Variants in LSAMP observed in about 807,000 individuals in gnomAD.
The protein encoded by LSAMP is limbic system-associated membrane protein.
Under a neutral mutation model 38.6 loss-of-function variants are expected in LSAMP, and 7 were observed. The ratio of observed to expected loss-of-function variants is 0.18; its 90% CI spans 0.10 to 0.34. The LOEUF (loss-of-function observed/expected upper bound fraction) is 0.34, where lower values mean the gene tolerates loss of function less well. Ranked by LOEUF, LSAMP falls within the 10% of genes least tolerant of loss-of-function variation. The pLI, the probability that LSAMP is intolerant of heterozygous loss-of-function variation, is 1.00. For synonymous variants in LSAMP, 154 were observed against 166.8 expected, an observed-to-expected ratio of 0.92 and a Z score of 0.59; for missense variants, 313 against 420.0, an observed-to-expected ratio of 0.75 and a Z score of 2.23.
intron 1 of LSAMP, among the ~76,000 whole-genome samples, chr3:116,437,845 T>C (rs1159991158): frequency 6.6e-6 from 1 of 152,150 alleles, no homozygotes; most frequent in Non-Finnish European, 1.5e-5. Context: ...TCTCAATTGA[T>C]CACTCAAGTT....
intron 1 of LSAMP, among the ~76,000 whole-genome samples, chr3:116,186,306 A>G (rs544591491): frequency 4.6e-5 from 7 of 152,238 alleles, no homozygotes; most frequent in Admixed American, 1.3e-4. Context: ...GTCCCGACCA[A>G]TGCCATCTCC....
Position 116,203,129 on chromosome 3 carries a change from A to G in LSAMP, c.156-116573T>C, listed in dbSNP as rs112750920. Among the ~76,000 whole-genome samples the G allele has an allele frequency of 4.4e-3, 664 of 152,100 alleles. 7 individuals carry two copies. The highest frequency in any genetic ancestry group is 0.015 in the African/African-American group (626 of 41,500). On this transcript the variant is annotated intron_variant, in intron 1 of 6. Transcript: ENST00000490035. ...TCTTCATGTCTTTTATTTTCCTTTC[A>G]TGTCTTGCTGCACTGGCTATGAAGC...
chr3:116,212,530 A>C (rs1314270887), intron 1 of LSAMP, among the ~76,000 whole-genome samples: 1 of 147,426 alleles, frequency 6.8e-6, no homozygotes, highest in East Asian at 2.1e-4. Context: ...AATTTAAAGA[A>C]TTTTGTTTAG....
chr3:116,217,336 A>G (rs1380791940), intron 1 of LSAMP, among the ~76,000 whole-genome samples: 2 of 152,264 alleles, frequency 1.3e-5, no homozygotes, highest in African/African-American at 2.4e-5. Context: ...TTCACGTTAT[A>G]GAAGAGTGAC....
chr3:116,366,485 T>C (rs2048355077), intron 1 of LSAMP, among the ~76,000 whole-genome samples: 1 of 152,164 alleles, frequency 6.6e-6, no homozygotes, highest in Admixed American at 6.5e-5. Flanking sequence ...TGGCCATCCA[T>C]TCTCAGTGGT....
At chr3:116,212,542 GATAAA>G (rs1453719774) in intron 1 of LSAMP, among the ~76,000 whole-genome samples, 3 of 124,212 alleles carry the variant, frequency 2.4e-5, no homozygotes, top group East Asian at 5.5e-4. Context: ...TTTGTTTAGA[GATAAA>G]ATAAAACTTC....
intron 3 of LSAMP, among the ~76,000 whole-genome samples, chr3:115,985,175 T>A (rs988060645): frequency 6.6e-5 from 10 of 152,162 alleles, no homozygotes; most frequent in Non-Finnish European, 1.2e-4. Context: ...ATAAGAAACA[T>A]TTAGGATAAT....
intron 3 of LSAMP, among the ~76,000 whole-genome samples, chr3:115,976,887 A>G (rs948285981): frequency 5.9e-5 from 9 of 152,120 alleles, no homozygotes; most frequent in African/African-American, 9.7e-5. Flanking sequence ...CTGTGAGTCA[A>G]TTAAAAACTT....
At chr3:116,110,878 G>A (rs916265709) in intron 1 of LSAMP, among the ~76,000 whole-genome samples, 2 of 152,170 alleles carry the variant, frequency 1.3e-5, no homozygotes, top group African/African-American at 2.4e-5. Flanking sequence ...CTGGGTGCAG[G>A]TGGGCTGAGT....
chr3:115,953,594 C>A (rs1182639698), intron 3 of LSAMP, among the ~76,000 whole-genome samples: 3 of 152,082 alleles, frequency 2.0e-5, no homozygotes, highest in African/African-American at 7.2e-5. Context: ...TGCTGGTGAC[C>A]AGGAGAGTTG....
chr3:116,284,930 GAA>G (rs1268361745), intron 1 of LSAMP, among the ~76,000 whole-genome samples: 1 of 152,122 alleles, frequency 6.6e-6, no homozygotes, highest in Non-Finnish European at 1.5e-5. Flanking sequence ...ATTATGAAAA[GAA>G]AATATACAAT....
At chr3:116,399,685 G>A (rs2048813256) in intron 1 of LSAMP, among the ~76,000 whole-genome samples, 2 of 152,180 alleles carry the variant, frequency 1.3e-5, no homozygotes, top group South Asian at 2.1e-4. Context: ...GCAGGTTGAA[G>A]TCATATGCTC....
At chr3:116,023,957 T>C (rs1054131990) in intron 2 of LSAMP, among the ~76,000 whole-genome samples, 3 of 152,186 alleles carry the variant, frequency 2.0e-5, no homozygotes, top group African/African-American at 7.2e-5. Flanking sequence ...CAACTCTTCA[T>C]GCAATTACCC....
intron 2 of LSAMP, 87 bp from the exon 3 acceptor site, chr3:116,019,727 T>C: frequency 7.1e-7 from 1 of 1,398,706 alleles, no homozygotes. Context: ...AAATTCAAGG[T>C]TTTATAACTT....
At chr3:116,019,734 A>G in intron 2 of LSAMP, 94 bp from the exon 3 acceptor site, 2 of 1,348,202 alleles carry the variant, frequency 1.5e-6, no homozygotes, top group Non-Finnish European at 2.1e-6. Flanking sequence ...AGGTTTTATA[A>G]CTTAATTTGA....
At chr3:115,915,675 C>T (rs1297486743) in intron 3 of LSAMP, among the ~76,000 whole-genome samples, 2 of 151,912 alleles carry the variant, frequency 1.3e-5, no homozygotes, top group Non-Finnish European at 2.9e-5. Flanking sequence ...GCTCTGTTGC[C>T]AGGCTGGAGT....
At chr3:115,886,310 A>G (rs891947322) in intron 3 of LSAMP, among the ~76,000 whole-genome samples, 2 of 152,012 alleles carry the variant, frequency 1.3e-5, no homozygotes, top group Non-Finnish European at 2.9e-5. Context: ...CGAGGTATGT[A>G]TGCTTATCCA....
At chr3:116,412,531 A>C (rs1450970806) in intron 1 of LSAMP, among the ~76,000 whole-genome samples, 3 of 152,108 alleles carry the variant, frequency 2.0e-5, no homozygotes, top group Non-Finnish European at 4.4e-5. Flanking sequence ...TGAGAAAATA[A>C]GCCATCTACC....
intron 1 of LSAMP, among the ~76,000 whole-genome samples, chr3:116,230,955 T>A (rs895194615): frequency 6.6e-6 from 1 of 151,802 alleles, no homozygotes; most frequent in South Asian, 2.1e-4. Context: ...ACTGAGGAGG[T>A]TGGGCTTTAA....
Sources: allele counts gnomAD v4.1 joint callset (sites outside exome capture counted in the v4.1 genomes callset), GRCh38; gene constraint gnomAD v4.1.1; transcripts MANE v1.5; gene names NCBI Gene and HGNC (gene_info 2026-07-23, HGNC 2026-07-21).